Variants in UNC13C observed in about 807,000 individuals in gnomAD.
UNC13C encodes protein unc-13 homolog C.
Under a neutral mutation model 245.4 loss-of-function variants are expected in UNC13C, and 174 were observed. The observed-to-expected ratio is 0.71, with a 90% confidence interval of 0.63 to 0.80. UNC13C has a LOEUF of 0.80. Among genes scored for constraint, UNC13C ranks in the 30% least tolerant of loss-of-function variants. The pLI is 0.00. For synonymous variants in UNC13C, 992 were observed against 895.1 expected, an observed-to-expected ratio of 1.11 and a Z score of -1.93; for missense variants, 2,829 against 2,602.9, an observed-to-expected ratio of 1.09 and a Z score of -1.89.
chr15:54,300,044 G>A (rs968798369), intron 12 of UNC13C, among the ~76,000 whole-genome samples, 166 bp from the exon 13 acceptor site: 2 of 152,180 alleles, frequency 1.3e-5, no homozygotes, highest in Non-Finnish European at 2.9e-5. Context: ...TTGCATAAAA[G>A]ATGAATTGAG....
At chr15:53,902,704 A>C in the UNC13C span, among the ~76,000 whole-genome samples, 45 of 152,328 alleles carry the variant, frequency 3.0e-4, no homozygotes. Flanking sequence ...CAGAAGCAAA[A>C]AATTTGGAAT....
intron 2 of UNC13C, among the ~76,000 whole-genome samples, chr15:54,104,033 A>G (rs992260608): frequency 2.0e-5 from 3 of 152,200 alleles, no homozygotes; most frequent in Non-Finnish European, 2.9e-5. Context: ...GTGAGCCACC[A>G]TGCCCGGCCA....
chr15:54,309,517 C>T (rs1327961796), intron 13 of UNC13C, among the ~76,000 whole-genome samples: 1 of 151,732 alleles, frequency 6.6e-6, no homozygotes, highest in East Asian at 1.9e-4. Flanking sequence ...AATTCAATCC[C>T]ATTGTCTATT....
chr15:54,570,069 AG>A (rs2141220522), intron 30 of UNC13C, among the ~76,000 whole-genome samples: 1 of 152,212 alleles, frequency 6.6e-6, no homozygotes, highest in African/African-American at 2.4e-5. Flanking sequence ...TGGAAACTAA[AG>A]GGGAAGAAGA....
At chr15:54,395,833 T>A (rs911963109) in intron 18 of UNC13C, among the ~76,000 whole-genome samples, 1 of 151,822 alleles carries the variant, frequency 6.6e-6, no homozygotes, top group Non-Finnish European at 1.5e-5. Context: ...TATTCAGGCA[T>A]ACATATTTGT....
intron 4 of UNC13C, among the ~76,000 whole-genome samples, chr15:54,155,588 C>CTTAA (rs3082189): frequency 0.98 from 149,501 of 152,242 alleles, 73,469 homozygotes; most frequent in Middle Eastern, 1. Flanking sequence ...TTTACTTCCA[C>CTTAA]TTATTTGTAT....
At chr15:54,586,261 A>C (rs1898486356) in intron 30 of UNC13C, among the ~76,000 whole-genome samples, 1 of 152,242 alleles carries the variant, frequency 6.6e-6, no homozygotes, top group Non-Finnish European at 1.5e-5. Context: ...CATATTAGTC[A>C]TATATTCCTT....
chr15:53,954,392 T>A, the UNC13C span, among the ~76,000 whole-genome samples: 128 of 152,318 alleles, frequency 8.4e-4, no homozygotes, highest in African/African-American at 3.0e-3. Context: ...TAAATATATT[T>A]AAAAATTTAG....
At chr15:53,913,559 C>G in the UNC13C span, 2 of 152,392 alleles carry the variant, frequency 1.3e-5, no homozygotes, top group Admixed American at 1.3e-4. Context: ...ATCAGGCAGA[C>G]AACTTTCCCA....
intron 7 of UNC13C, among the ~76,000 whole-genome samples, chr15:54,238,696 G>T (rs1261590807): frequency 6.6e-6 from 1 of 152,066 alleles, no homozygotes; most frequent in East Asian, 1.9e-4. Flanking sequence ...CTTGAGGGTG[G>T]CACTATAACT....
At chr15:54,505,383 CTTG>C (rs1001064311) in intron 22 of UNC13C, among the ~76,000 whole-genome samples, 3 of 152,190 alleles carry the variant, frequency 2.0e-5, no homozygotes, top group African/African-American at 7.2e-5. Context: ...TTACCTTAGA[CTTG>C]TTAAAACCCA....
chr15:54,008,527 C>G (rs1895241883), intron 1 of UNC13C, among the ~76,000 whole-genome samples: 1 of 152,070 alleles, frequency 6.6e-6, no homozygotes, highest in Non-Finnish European at 1.5e-5. Flanking sequence ...AATCTTATCC[C>G]TAAAGTTCAT....
intron 2 of UNC13C, among the ~76,000 whole-genome samples, chr15:54,129,122 T>C (rs935224022): frequency 6.6e-6 from 1 of 152,162 alleles, no homozygotes; most frequent in Non-Finnish European, 1.5e-5. Context: ...ACCAGAATTG[T>C]TAGTTGCGTT....
intron 8 of UNC13C, among the ~76,000 whole-genome samples, chr15:54,252,431 G>T (rs2047285089): frequency 6.6e-6 from 1 of 152,098 alleles, no homozygotes; most frequent in Admixed American, 6.5e-5. Flanking sequence ...CAAAAATAGT[G>T]CAGAACAATG....
chr15:54,315,083 AC>A (rs2140969326), intron 13 of UNC13C, among the ~76,000 whole-genome samples: 1 of 151,812 alleles, frequency 6.6e-6, no homozygotes, highest in South Asian at 2.1e-4. Flanking sequence ...CCATCTTTAT[AC>A]CACTTCAGAG....
intron 19 of UNC13C, among the ~76,000 whole-genome samples, chr15:54,475,040 A>G (rs760352366): frequency 2.0e-5 from 3 of 151,996 alleles, no homozygotes; most frequent in Admixed American, 6.6e-5. Flanking sequence ...ATTAGGCCCT[A>G]CCTACAACAT....
the UNC13C span, among the ~76,000 whole-genome samples, chr15:53,838,404 T>G: frequency 6.6e-6 from 1 of 152,070 alleles, no homozygotes; most frequent in African/African-American, 2.4e-5. Flanking sequence ...TCCATCAATA[T>G]TTATGGTGCT....
intron 2 of UNC13C, among the ~76,000 whole-genome samples, chr15:54,056,502 A>G (rs55688238): frequency 0.16 from 23,726 of 152,186 alleles, 1,889 homozygotes; most frequent in African/African-American, 0.18. Flanking sequence ...CCTGAAAGTG[A>G]TGGGGAGAAT....
At chr15:54,267,921 T>C (rs80146749) in intron 10 of UNC13C, among the ~76,000 whole-genome samples, 2,231 of 152,126 alleles carry the variant, frequency 0.015, 62 homozygotes, top group African/African-American at 0.051. Flanking sequence ...CATAGCTCCT[T>C]GACACTCTGA....
Sources: allele counts gnomAD v4.1 joint callset (sites outside exome capture counted in the v4.1 genomes callset), GRCh38; gene constraint gnomAD v4.1.1; transcripts MANE v1.5; gene names NCBI Gene and HGNC (gene_info 2026-07-23, HGNC 2026-07-21).